ASPH: variants seen among roughly 807,000 people sequenced by gnomAD.
ASPH encodes the protein aspartyl/asparaginyl beta-hydroxylase.
ASPH carries 100 observed loss-of-function variants against 118.4 expected under a neutral mutation model. That is an observed-to-expected ratio of 0.84 (90% CI 0.72 to 1.00). The LOEUF (loss-of-function observed/expected upper bound fraction) is 1.00, where lower values mean the gene tolerates loss of function less well. ASPH is among the 50% of genes least tolerant of loss of function. The pLI, the probability that ASPH is intolerant of heterozygous loss-of-function variation, is 0.00. For synonymous variants in ASPH, 315 were observed against 325.6 expected, an observed-to-expected ratio of 0.97 and a Z score of 0.35; for missense variants, 920 against 919.5, an observed-to-expected ratio of 1.00 and a Z score of -0.01.
intron 21 of ASPH, among the ~76,000 whole-genome samples, chr8:61,530,483 T>C (rs1384118519): frequency 6.6e-6 from 1 of 152,174 alleles, no homozygotes; most frequent in East Asian, 1.9e-4. Flanking sequence ...CCAGCTCTCC[T>C]GAATCCCAGA....
At chr8:61,555,713 C>T (rs1827612612) in intron 19 of ASPH, among the ~76,000 whole-genome samples, 1 of 152,192 alleles carries the variant, frequency 6.6e-6, no homozygotes, top group Admixed American at 6.5e-5. Flanking sequence ...TCCAAATCAT[C>T]TCTGCTCAAG....
At chr8:61,519,762 C>A (rs1169947908) in intron 22 of ASPH, among the ~76,000 whole-genome samples, 1 of 152,080 alleles carries the variant, frequency 6.6e-6, no homozygotes, top group African/African-American at 2.4e-5. Flanking sequence ...TGGAAGGGGG[C>A]CACAAGCCGG....
At chr8:61,672,240 T>C (rs1393230130) in intron 3 of ASPH, among the ~76,000 whole-genome samples, 1 of 151,754 alleles carries the variant, frequency 6.6e-6, no homozygotes, top group Non-Finnish European at 1.5e-5. Flanking sequence ...ATAGTACAGA[T>C]TAAAAAAAGA....
intron 17 of ASPH, among the ~76,000 whole-genome samples, chr8:61,565,102 A>G (rs1298918385): frequency 1.3e-5 from 2 of 152,194 alleles, no homozygotes; most frequent in African/African-American, 4.8e-5. Context: ...GATGTTCTAT[A>G]TTATGTATGC....
At chr8:61,565,059 TG>T (rs1427707624) in intron 17 of ASPH, among the ~76,000 whole-genome samples, 1 of 152,224 alleles carries the variant, frequency 6.6e-6, no homozygotes, top group Middle Eastern at 3.2e-3. Flanking sequence ...CCTTTGGTAC[TG>T]GGAACCTGGG....
intron 21 of ASPH, among the ~76,000 whole-genome samples, chr8:61,541,672 G>A (rs755799223): frequency 2.6e-5 from 4 of 152,108 alleles, no homozygotes; most frequent in Admixed American, 6.5e-5. Flanking sequence ...TCATCCTGAC[G>A]TTACTTTTTT....
chr8:61,644,140 G>GA, intron 7 of ASPH, 139 bp from the exon 8 acceptor site: 1 of 695,126 alleles, frequency 1.4e-6, no homozygotes, highest in African/African-American at 1.8e-5. Context: ...GTTCACTCCT[G>GA]AAACAAATAG....
chr8:61,535,224 T>G (rs1819056903), intron 21 of ASPH, among the ~76,000 whole-genome samples: 1 of 152,184 alleles, frequency 6.6e-6, no homozygotes, highest in Non-Finnish European at 1.5e-5. Flanking sequence ...CCCATAACAC[T>G]TATATAGCTT....
At chr8:61,615,882 T>TAA in intron 14 of ASPH, among the ~76,000 whole-genome samples, 1 of 152,346 alleles carries the variant, frequency 6.6e-6, no homozygotes, top group East Asian at 1.9e-4. Flanking sequence ...TCTGGATATG[T>TAA]AATGTTTACA....
rs1486594549 is a variant in ASPH at position 61,552,944 on chromosome 8, T to A, written c.1626+87A>T. On this transcript the variant is annotated intron_variant, in intron 20 of 24. Transcript: ENST00000379454. ...CTTTCGAAAGTTCACACTCAAAATATTTTTTGAATTCTAACTTTCCTAGAA... is the reference window on the plus strand; with the variant it reads ...CTTTCGAAAGTTCACACTCAAAATAATTTTTGAATTCTAACTTTCCTAGAA... The A allele has an allele frequency of 5.2e-6, 6 of 1,151,842 alleles. No homozygotes were observed. In the East Asian group the frequency reaches 1.5e-4, roughly 28 times the overall value. 71.4% of individuals were successfully genotyped at this position (1,151,842 alleles called of 1,614,324 possible).
intron 1 of ASPH, among the ~76,000 whole-genome samples, chr8:61,713,990 C>G (rs1838722415): frequency 6.6e-6 from 1 of 152,252 alleles, no homozygotes; most frequent in South Asian, 2.1e-4. Flanking sequence ...GTTCAGCAAC[C>G]TCTGTCTCGG....
chr8:61,610,413 T>C lies in ASPH; in HGVS notation c.976+8565A>G, dbSNP rs187669072. On this transcript the variant is annotated intron_variant, in intron 14 of 24. Transcript: ENST00000379454. ...AGACTGATGATATATGCTGAGCTTA[T>C]TTCAATCACTAAAATTGCCATAATT... 1.4e-4 allele frequency among the ~76,000 whole-genome samples: 21 copies of C among 152,372 alleles called. 1 individual carries two copies. Among genetic ancestry groups the C allele is most frequent in the African/African-American group, 5.0e-4 (21 of 41,586 alleles).
chr8:61,527,326 C>T (rs1815764733), intron 21 of ASPH, among the ~76,000 whole-genome samples: 1 of 152,018 alleles, frequency 6.6e-6, no homozygotes, highest in Admixed American at 6.5e-5. Context: ...GTCTTTTTAC[C>T]AAGTCCTGCT....
At chr8:61,668,226 GA>G in intron 3 of ASPH, 2 of 1,603,178 alleles carry the variant, frequency 1.2e-6, no homozygotes, top group Non-Finnish European at 8.5e-7. Flanking sequence ...TTGAAAAAAT[GA>G]AAATACCTTT....
chr8:61,579,155 G>A, intron 15 of ASPH: 1 of 1,612,042 alleles, frequency 6.2e-7, no homozygotes, highest in Non-Finnish European at 8.5e-7. Flanking sequence ...AGATGAACTG[G>A]AACATCAGCC....
chr8:61,633,028 G>A (rs1267814059), intron 13 of ASPH: 2 of 158,316 alleles, frequency 1.3e-5, no homozygotes, highest in Admixed American at 6.5e-5. Context: ...AGAGTACGAG[G>A]TTTATAAACT....
At chr8:61,555,263 G>GTA (rs1042415502) in intron 19 of ASPH, among the ~76,000 whole-genome samples, 17 of 151,844 alleles carry the variant, frequency 1.1e-4, no homozygotes, top group Non-Finnish European at 2.4e-4. Flanking sequence ...ATACATATGT[G>GTA]TATATATATA....
intron 13 of ASPH, chr8:61,625,961 A>G: frequency 8.8e-6 from 10 of 1,140,734 alleles, no homozygotes; most frequent in Non-Finnish European, 9.7e-6. Flanking sequence ...TGTCGGAAAA[A>G]CACACATAAA....
chr8:61,534,397 T>C (rs1379153900), intron 21 of ASPH, among the ~76,000 whole-genome samples: 2 of 152,190 alleles, frequency 1.3e-5, no homozygotes, highest in African/African-American at 4.8e-5. Flanking sequence ...AAACCCCTTA[T>C]TAGTCTTTCA....
Sources: gnomAD v4.1 joint callset for allele counts (sites outside exome capture counted in the v4.1 genomes callset) on GRCh38, gnomAD v4.1.1 for gene constraint, MANE v1.5 for transcripts, NCBI Gene and HGNC (gene_info 2026-07-23, HGNC 2026-07-21) for gene names.